GRIK3: variants seen among roughly 807,000 people sequenced by gnomAD.
GRIK3 encodes the protein glutamate receptor ionotropic, kainate 3.
In GRIK3, 29 loss-of-function variants were observed where a neutral mutation model predicts 102.5. The ratio of observed to expected loss-of-function variants is 0.28; its 90% CI spans 0.21 to 0.39. The LOEUF is 0.39. Ranked by LOEUF, GRIK3 falls within the 10% of genes least tolerant of loss-of-function variation. The pLI is 1.00. For missense variants in GRIK3, 908 were observed against 1,252.4 expected (o/e 0.73, Z 4.15); for synonymous variants, 511 against 504.9 (o/e 1.01, Z -0.16).
chr1:37,033,995 G>T lies in GRIK3; in HGVS notation c.114C>A (p.Ile38=). The T allele has an allele frequency of 1.3e-6, 2 of 1,577,926 alleles. No individual in the cohort carries two copies. Among genetic ancestry groups the T allele is most frequent in the East Asian group, 2.3e-5 (1 of 42,592 alleles). Residue 38 remains isoleucine (I), a splice_region_variant and synonymous_variant, in exon 1 of 16, where the codon ATC becomes ATA. Coordinates refer to ENST00000373091, the MANE Select transcript of GRIK3 (RefSeq NM_000831.4). ...DSRGMPHVIR[I]GGIFEYADGP... is the part of the protein sequence containing the mutation. ...CCCCCGGCTCCAGGGAGCGCTTACC[G>T]ATCCGGATGACGTGGGGCATCCCGC...
At chr1:37,008,765 G>A (rs745573089) in intron 1 of GRIK3, among the ~76,000 whole-genome samples, 10 of 152,162 alleles carry the variant, frequency 6.6e-5, no homozygotes, top group Non-Finnish European at 1.5e-4. Flanking sequence ...AGGACAGCGA[G>A]GTCAGAAAAT....
chr1:36,917,973 G>C (rs1270896251), intron 1 of GRIK3, among the ~76,000 whole-genome samples: 1 of 152,232 alleles, frequency 6.6e-6, no homozygotes, highest in Non-Finnish European at 1.5e-5. Context: ...GCCAGCAGCT[G>C]CATTTGCAGA....
chr1:36,912,562 C>T (rs1342617326), intron 1 of GRIK3, among the ~76,000 whole-genome samples: 1 of 152,072 alleles, frequency 6.6e-6, no homozygotes, highest in Non-Finnish European at 1.5e-5. Context: ...AAACTATTTA[C>T]ACCCTAGCCC....
intron 1 of GRIK3, among the ~76,000 whole-genome samples, chr1:36,991,131 C>T (rs1642358719): frequency 6.6e-6 from 1 of 152,180 alleles, no homozygotes; most frequent in Non-Finnish European, 1.5e-5. Context: ...CAAATCACTT[C>T]ACCTCTCTGA....
At chr1:36,970,118 C>A (rs61497367) in intron 1 of GRIK3, among the ~76,000 whole-genome samples, 2 of 152,114 alleles carry the variant, frequency 1.3e-5, no homozygotes, top group Non-Finnish European at 2.9e-5. Context: ...GTGTTAGCAG[C>A]CACCAAAGGT....
chr1:36,934,382 G>A (rs1428783897), intron 1 of GRIK3, among the ~76,000 whole-genome samples: 1 of 152,136 alleles, frequency 6.6e-6, no homozygotes, highest in Non-Finnish European at 1.5e-5. Context: ...TATTCCTTAT[G>A]CTAAACCCGC....
intron 1 of GRIK3, among the ~76,000 whole-genome samples, chr1:36,996,019 G>A (rs962551485): frequency 1.3e-5 from 2 of 151,446 alleles, no homozygotes; most frequent in East Asian, 2.0e-4. Flanking sequence ...GAGTATACTC[G>A]TAGCTGATGT....
intron 7 of GRIK3, 64 bp downstream of exon 7, chr1:36,859,044 C>G: frequency 7.2e-7 from 1 of 1,390,262 alleles, no homozygotes; most frequent in Non-Finnish European, 9.9e-7. Context: ...CCAGACCACT[C>G]TGCTGCTCTA....
chr1:36,836,644 C>T (rs755211480), intron 10 of GRIK3, among the ~76,000 whole-genome samples: 74 of 152,320 alleles, frequency 4.9e-4, no homozygotes, highest in Non-Finnish European at 6.5e-4. Flanking sequence ...CCATTGTGTT[C>T]CATACTTCAT....
chr1:36,855,331 C>T (rs1640638781), intron 7 of GRIK3, among the ~76,000 whole-genome samples: 1 of 152,196 alleles, frequency 6.6e-6, no homozygotes. Context: ...CCCCCAGCAC[C>T]CATGCATACA....
At chr1:36,957,285 T>A (rs1195636893) in intron 1 of GRIK3, among the ~76,000 whole-genome samples, 1 of 152,064 alleles carries the variant, frequency 6.6e-6, no homozygotes, top group Non-Finnish European at 1.5e-5. Context: ...TCTGTGAGTC[T>A]GTGTGCCCCA....
At chr1:36,936,109 CCTT>C (rs1641654825) in intron 1 of GRIK3, among the ~76,000 whole-genome samples, 1 of 152,176 alleles carries the variant, frequency 6.6e-6, no homozygotes, top group Admixed American at 6.5e-5. Context: ...ACTTCCCACC[CCTT>C]CTTTGTCAAA....
At chr1:36,971,184 C>T (rs1162714515) in intron 1 of GRIK3, among the ~76,000 whole-genome samples, 2 of 152,208 alleles carry the variant, frequency 1.3e-5, no homozygotes, top group Non-Finnish European at 2.9e-5. Flanking sequence ...AGCACCTTCT[C>T]CAAGACATAG....
intron 9 of GRIK3, among the ~76,000 whole-genome samples, chr1:36,848,118 T>C (rs1415123445): frequency 6.6e-6 from 1 of 152,236 alleles, no homozygotes; most frequent in Non-Finnish European, 1.5e-5. Context: ...GGATTCTGCC[T>C]CTGCTTATGT....
At chr1:36,860,152 G>A (rs1394223751) in intron 5 of GRIK3, 135 bp from the exon 6 acceptor site, 6 of 643,016 alleles carry the variant, frequency 9.3e-6, no homozygotes, top group East Asian at 8.3e-5. Context: ...TGCAGAGGGG[G>A]TGCGGGATAT....
chr1:36,798,590 C>T lies in GRIK3; in HGVS notation c.*3261G>A, dbSNP rs1642396742. 6.6e-6 allele frequency: 1 copy of T among 152,318 alleles called. No homozygotes were observed. Among genetic ancestry groups the T allele is most frequent in the African/African-American group, 2.4e-5 (1 of 41,466 alleles). 9.4% of individuals were successfully genotyped at this position (152,318 alleles called of 1,614,324 possible). A position where few individuals can be genotyped will look rare whatever the true frequency, so the allele number is the denominator to read the frequency against. Reference sequence around the variant, plus strand: ...GCCTCACTGAAAACACCTCCCCACTCCGTCCCACCTCACAGATGTAGCATC... The same window carrying T: ...GCCTCACTGAAAACACCTCCCCACTTCGTCCCACCTCACAGATGTAGCATC... On this transcript the variant is annotated 3_prime_UTR_variant, in exon 16 of 16. Transcript: ENST00000373091.
intron 9 of GRIK3, among the ~76,000 whole-genome samples, chr1:36,845,444 T>G (rs1364682265): frequency 3.9e-5 from 6 of 152,194 alleles, no homozygotes; most frequent in African/African-American, 1.4e-4. Context: ...CTCCGATCAC[T>G]TACCCCAGCG....
chr1:36,797,028 G>A lies in GRIK3; in HGVS notation c.*4823C>T, dbSNP rs887080352. 2 of 152,158 alleles carry A rather than the reference G, an allele frequency of 1.3e-5. No homozygotes were observed. The highest frequency in any genetic ancestry group is 4.8e-5 in the African/African-American group (2 of 41,402). The allele number at this position is 152,158 out of a possible 1,614,324, so 9.4% of individuals were successfully genotyped here. A position where few individuals can be genotyped will look rare whatever the true frequency, so the allele number is the denominator to read the frequency against. On this transcript the variant is annotated 3_prime_UTR_variant, in exon 16 of 16. Transcript: ENST00000373091. ...TTGGCCATTCCTGCCCCTCCCACAG[G>A]AGGCCCTGGCGGTGCAGGACTCACC...
At chr1:36,839,222 C>T (rs779917077) in intron 10 of GRIK3, among the ~76,000 whole-genome samples, 2 of 152,142 alleles carry the variant, frequency 1.3e-5, no homozygotes, top group Non-Finnish European at 2.9e-5. Context: ...TCAGAGCCTA[C>T]CCAGAGCCCC....
Sources: gnomAD v4.1 joint callset for allele counts (sites outside exome capture counted in the v4.1 genomes callset) on GRCh38, gnomAD v4.1.1 for gene constraint, MANE v1.5 for transcripts, NCBI Gene and HGNC (gene_info 2026-07-23, HGNC 2026-07-21) for gene names.